CRPPA: variants seen among roughly 807,000 people sequenced by gnomAD.
CRPPA encodes D-ribitol-5-phosphate cytidylyltransferase.
A neutral mutation model predicts 52.0 loss-of-function variants in CRPPA; 43 were observed. That is an observed-to-expected ratio of 0.83 (90% CI 0.65 to 1.07). The LOEUF is 1.07. Among genes scored for constraint, CRPPA ranks in the 50% least tolerant of loss-of-function variants. The pLI, the probability that CRPPA is intolerant of heterozygous loss-of-function variation, is 0.00. For synonymous variants in CRPPA, 250 were observed against 203.5 expected (o/e 1.23, Z -1.94); for missense variants, 629 against 551.7 (o/e 1.14, Z -1.40).
In CRPPA at chr7:16,394,511, G is replaced by A. The variant is rs138144219; in HGVS notation, c.534+11550C>T. On this transcript the variant is annotated intron_variant, in intron 2 of 9. Coordinates refer to ENST00000407010, the MANE Select transcript of CRPPA (RefSeq NM_001101426.4). The stretch of plus-strand genomic sequence containing the variant: ...CATTGGGGGGATTAAATAAGACTTG[G>A]GAGGAGATAGTTTCAATGTGACTGG... Among the ~76,000 whole-genome samples, 74 of 152,264 alleles carry A rather than the reference G, an allele frequency of 4.9e-4. 1 individual carries two copies. The East Asian group carries it at 0.013, about 27-fold the overall frequency.
In CRPPA at chr7:16,208,490, T is replaced by G. The variant is rs1321611648; in HGVS notation, c.1251+7576A>C. Among the ~76,000 whole-genome samples the G allele has an allele frequency of 3.3e-5, 5 of 152,302 alleles. No homozygotes were observed. In the East Asian group the frequency reaches 7.7e-4, roughly 24 times the overall value. On this transcript the variant is annotated intron_variant, in intron 9 of 9. Transcript: ENST00000407010. ...TTTCAAGATAAAGCATTTAATTTTC[T>G]CACTTCATAAAGATCTTCTAAATTA...
intron 2 of CRPPA, among the ~76,000 whole-genome samples, chr7:16,386,093 C>G (rs1219369848): frequency 1.3e-5 from 2 of 151,982 alleles, no homozygotes. Flanking sequence ...TGAATTTGAA[C>G]GTTGGTGAAT....
intron 9 of CRPPA, among the ~76,000 whole-genome samples, chr7:16,115,793 G>C (rs1276194345): frequency 6.6e-6 from 1 of 152,068 alleles, no homozygotes; most frequent in Non-Finnish European, 1.5e-5. Context: ...GGGAAAACTG[G>C]AGCAACAAAA....
chr7:16,203,259 C>A (rs966922959), intron 9 of CRPPA, among the ~76,000 whole-genome samples: 1 of 152,020 alleles, frequency 6.6e-6, no homozygotes, highest in Non-Finnish European at 1.5e-5. Context: ...TTGGGCGTAT[C>A]CAGCATCTGT....
chr7:16,098,339 T>C (rs1174050320), intron 9 of CRPPA, among the ~76,000 whole-genome samples: 1 of 152,196 alleles, frequency 6.6e-6, no homozygotes, highest in Non-Finnish European at 1.5e-5. Flanking sequence ...ATTTAGGCTT[T>C]AGATGTCTCA....
At chr7:16,130,605 G>T (rs183243577) in intron 9 of CRPPA, among the ~76,000 whole-genome samples, 9 of 152,138 alleles carry the variant, frequency 5.9e-5, no homozygotes, top group Non-Finnish European at 7.3e-5. Context: ...GATTTGGAAG[G>T]CTTCCTGGAA....
At position 16,421,423 on chromosome 7, in the gene CRPPA, A is replaced by C; in HGVS notation, c.-101T>G. 9.0e-7 allele frequency: 1 copy of C among 1,114,880 alleles called. No individual in the cohort carries two copies. Among genetic ancestry groups the C allele is most frequent in the East Asian group, 3.5e-5 (1 of 28,722 alleles). The allele number at this position is 1,114,880 out of a possible 1,614,324, so 69.1% of individuals were successfully genotyped here. A position where few individuals can be genotyped will look rare whatever the true frequency, so the allele number is the denominator to read the frequency against. On this transcript the variant is annotated 5_prime_UTR_variant, in exon 1 of 10. Transcript: ENST00000407010. The stretch of plus-strand genomic sequence containing the variant: ...TCGCGGGGCGAAGGGCAGACCACGG[A>C]GAGGGACGCAGAGCGCGCAAGCAGA...
chr7:16,297,504 C>G (rs1784698984), intron 5 of CRPPA, among the ~76,000 whole-genome samples: 1 of 152,254 alleles, frequency 6.6e-6, no homozygotes, highest in East Asian at 1.9e-4. Context: ...ATCTGTTAGC[C>G]TATTATGCAA....
chr7:16,105,919 T>G (rs536397269), intron 9 of CRPPA, among the ~76,000 whole-genome samples: 16 of 152,270 alleles, frequency 1.1e-4, no homozygotes, highest in Middle Eastern at 3.4e-3. Context: ...TCCTACTTCT[T>G]TAGATTTTAG....
chr7:16,152,761 GT>G (rs1484528915), intron 9 of CRPPA, among the ~76,000 whole-genome samples: 1 of 151,964 alleles, frequency 6.6e-6, no homozygotes, highest in Non-Finnish European at 1.5e-5. Context: ...CCTTTAGGCG[GT>G]TCGCAATGTA....
intron 8 of CRPPA, among the ~76,000 whole-genome samples, chr7:16,246,386 A>C (rs1783274644): frequency 6.6e-6 from 1 of 152,150 alleles, no homozygotes; most frequent in South Asian, 2.1e-4. Flanking sequence ...TCCCCTGTTG[A>C]AGTCACATCG....
intron 8 of CRPPA, chr7:16,248,006 T>A (rs983477044): frequency 3.3e-5 from 5 of 151,768 alleles, no homozygotes; most frequent in African/African-American, 1.2e-4. Flanking sequence ...TAAAAAAGCC[T>A]AGGATTGAGA....
At chr7:16,199,444 T>C (rs1583423766) in intron 9 of CRPPA, among the ~76,000 whole-genome samples, 1 of 152,164 alleles carries the variant, frequency 6.6e-6, no homozygotes, top group African/African-American at 2.4e-5. Context: ...AAGAATAAAA[T>C]TTTCCCAATA....
chr7:16,301,996 G>A (rs1022642702), intron 4 of CRPPA, among the ~76,000 whole-genome samples: 1 of 152,098 alleles, frequency 6.6e-6, no homozygotes, highest in South Asian at 2.1e-4. Context: ...AGAGCCTATA[G>A]GGTACCACTA....
At chr7:16,218,328 T>C (rs1377542238) in intron 8 of CRPPA, among the ~76,000 whole-genome samples, 1 of 130,636 alleles carries the variant, frequency 7.7e-6, no homozygotes, top group Admixed American at 8.4e-5. Flanking sequence ...TACCAGCCGC[T>C]GCAAAATCAT....
At chr7:16,293,882 G>A (rs1394379268) in intron 5 of CRPPA, among the ~76,000 whole-genome samples, 3 of 151,886 alleles carry the variant, frequency 2.0e-5, no homozygotes, top group Non-Finnish European at 2.9e-5. Context: ...CTTGTCTCCG[G>A]CACATGTTTT....
chr7:16,187,525 G>A (rs1168073927), intron 9 of CRPPA, among the ~76,000 whole-genome samples: 1 of 152,126 alleles, frequency 6.6e-6, no homozygotes, highest in Non-Finnish European at 1.5e-5. Flanking sequence ...AAATATTCTT[G>A]CTATTTCATT....
At chr7:16,234,905 A>C (rs1325844022) in intron 8 of CRPPA, among the ~76,000 whole-genome samples, 1 of 152,116 alleles carries the variant, frequency 6.6e-6, no homozygotes, top group African/African-American at 2.4e-5. Flanking sequence ...TAGAAAGAAA[A>C]ACTCATGCAG....
chr7:16,257,773 T>C (rs1783683447), intron 8 of CRPPA, among the ~76,000 whole-genome samples: 1 of 152,090 alleles, frequency 6.6e-6, no homozygotes, highest in Non-Finnish European at 1.5e-5. Flanking sequence ...TTAGAGGACT[T>C]GGGCTCTGAT....
Sources: gnomAD v4.1 joint callset for allele counts (sites outside exome capture counted in the v4.1 genomes callset) on GRCh38, gnomAD v4.1.1 for gene constraint, MANE v1.5 for transcripts, NCBI Gene and HGNC (gene_info 2026-07-23, HGNC 2026-07-21) for gene names.